The following COL7A1 variants were observed in gnomAD, a reference collection of about 807,000 sequenced individuals.
COL7A1 encodes the protein collagen alpha-1(VII) chain.
In COL7A1, 296 loss-of-function variants were observed where a neutral mutation model predicts 456.2. The observed-to-expected ratio is 0.65, with a 90% CI of 0.59 to 0.71. The LOEUF is 0.71. COL7A1 is among the 30% of genes least tolerant of loss of function. The pLI, the probability that COL7A1 is intolerant of heterozygous loss-of-function variation, is 0.00. For synonymous variants in COL7A1, 1,464 were observed against 1,525.9 expected (o/e 0.96, Z 0.95); for missense variants, 3,441 against 4,017.2 (o/e 0.86, Z 3.88).
rs755943792 is a variant in COL7A1 at position 48,592,051 on chromosome 3, C to T, written c.1241-37G>A. On this transcript the variant is annotated intron_variant, in intron 10 of 118. Coordinates refer to ENST00000681320, the MANE Select transcript of COL7A1 (RefSeq NM_000094.4). The surrounding 1 kb of genome is among the most constrained non-coding windows in gnomAD (Gnocchi z 7.6). ...ACATGGGATGTCAGTGGCCTCCGGG[C>T]CTTGCCCTGCCTGCCCGTCCCAGCC... 8 of 1,614,178 alleles carry T rather than the reference C, an allele frequency of 5.0e-6. No homozygotes were observed. In the Admixed American group the frequency reaches 6.7e-5, roughly 13 times the overall value.
chr3:48,568,231 C>A lies in COL7A1; in HGVS notation c.7795-61G>T. 6.4e-7 allele frequency: 1 copy of A among 1,574,562 alleles called. No individual in the cohort carries two copies. Among genetic ancestry groups the A allele is most frequent in the Non-Finnish European group, 8.7e-7 (1 of 1,151,696 alleles). The stretch of plus-strand genomic sequence containing the variant: ...GTCAGTGAGGGACCAAAGAGAATCG[C>A]CCTGGATAGTGGGTAGGGAACACCA... On this transcript the variant is annotated intron_variant, in intron 105 of 118. Transcript: ENST00000681320. The surrounding 1 kb of genome is among the most constrained non-coding windows in gnomAD (Gnocchi z 5.2).
chr3:48,593,099 C>T lies in COL7A1; in HGVS notation c.682+3G>A. Reference sequence around the variant, plus strand: ...AGGGTACACCGTGTGGGCAGGAACTCACGAGGTCGGGTCACAGGCACGCCA... The same window carrying T: ...AGGGTACACCGTGTGGGCAGGAACTTACGAGGTCGGGTCACAGGCACGCCA... On this transcript the variant is annotated splice_donor_region_variant and intron_variant, in intron 6 of 118. Transcript: ENST00000681320. This position sits in a 1 kb window ranked among gnomAD's most constrained non-coding sequence, Gnocchi z 4.4. 1 of 1,614,092 alleles carries T rather than the reference C, an allele frequency of 6.2e-7. No homozygotes were observed. The highest frequency in any genetic ancestry group is 8.5e-7 in the Non-Finnish European group (1 of 1,180,020).
Position 48,581,398 on chromosome 3 carries a change from G to A in COL7A1, c.4818+50C>T. Reference sequence around the variant, plus strand: ...ACGCTCGAAGCAAGCAGTTCTCAAGGGGAGGGGACCCCAGAAGCCTTGAGG... The same window carrying A: ...ACGCTCGAAGCAAGCAGTTCTCAAGAGGAGGGGACCCCAGAAGCCTTGAGG... On this transcript the variant is annotated intron_variant, in intron 51 of 118. Coordinates refer to ENST00000681320, the MANE Select transcript of COL7A1 (RefSeq NM_000094.4). This position sits in a 1 kb window ranked among gnomAD's most constrained non-coding sequence, Gnocchi z 5.8. The A allele has an allele frequency of 1.2e-6, 2 of 1,613,866 alleles. No individual in the cohort carries two copies. Among genetic ancestry groups the A allele is most frequent in the East Asian group, 2.2e-5 (1 of 44,866 alleles).
In COL7A1 at chr3:48,586,627, G is replaced by A. The variant is rs1361115401; in HGVS notation, c.3339C>T (p.Asp1113=). Residue 1113 remains aspartate (D), a synonymous_variant, in exon 26 of 119, where the codon GAC becomes GAT. Transcript: ENST00000681320. The surrounding 1 kb of genome is among the most constrained non-coding windows in gnomAD (Gnocchi z 5.1). ...SPLFPLNGSH[D]LGIILQRIRD... ...GGATCCTTTGCAAGATAATGCCAAGGTCATGGGAGCCATTCAGTGGGAACA... is the reference window on the plus strand; with the variant it reads ...GGATCCTTTGCAAGATAATGCCAAGATCATGGGAGCCATTCAGTGGGAACA... 6.2e-7 allele frequency: 1 copy of A among 1,613,668 alleles called. No homozygotes were observed.
Position 48,581,231 on chromosome 3 carries a change from C to T in COL7A1, c.4899+29G>A, listed in dbSNP as rs1283909291. On this transcript the variant is annotated intron_variant, in intron 52 of 118. Transcript: ENST00000681320. The surrounding 1 kb of genome is among the most constrained non-coding windows in gnomAD (Gnocchi z 5.8). ...GGCAACAGCCCTACTCCCTTACCCG[C>T]CATGACTCCCCCGACTCCAGCCTCT... 6.2e-7 allele frequency: 1 copy of T among 1,612,610 alleles called. No homozygotes were observed. Among genetic ancestry groups the T allele is most frequent in the South Asian group, 1.1e-5 (1 of 90,964 alleles).
At position 48,585,592 on chromosome 3, in the gene COL7A1, C is replaced by T; in HGVS notation, c.3859G>A (p.Gly1287Arg). Residue 1287 changes from glycine to arginine, a missense_variant, in exon 32 of 119, where the codon GGG becomes AGG. Gly to Arg is a moderately radical substitution (Grantham distance 125, BLOSUM62 -2). Transcript: ENST00000681320. This position sits in a 1 kb window ranked among gnomAD's most constrained non-coding sequence, Gnocchi z 4.5. ...TTGGCAGTGGCACTTCCAGGGGGCC[C>T]CTGGGGGCCGGGAGCACCGGTCCTG... ...PGRTGAPGPQ[G>R]PPGSATAKGE... The T allele has an allele frequency of 1.2e-6, 2 of 1,613,964 alleles. No homozygotes were observed. Among genetic ancestry groups the T allele is most frequent in the South Asian group, 2.2e-5 (2 of 91,082 alleles).
Position 48,566,692 on chromosome 3 carries a change from C to T in COL7A1, c.8272G>A (p.Val2758Ile). 2 of 1,613,856 alleles carry T rather than the reference C, an allele frequency of 1.2e-6. No homozygotes were observed. The highest frequency in any genetic ancestry group is 1.7e-6 in the Non-Finnish European group (2 of 1,179,932). The part of the protein sequence containing the change: ...PGERVVGAPG[V>I]PGAPGERGEQ... ...CCTCTCTCGCCAGGAGCTCCAGGGACCCCAGGAGCCCCCACCACTCTCTCT... is the reference window on the plus strand; with the variant it reads ...CCTCTCTCGCCAGGAGCTCCAGGGATCCCAGGAGCCCCCACCACTCTCTCT... The change falls in exon 112 of 119, where the codon GTC (valine) becomes ATC (isoleucine). Residue 2758 changes from valine (V) to isoleucine (I), a missense_variant. Coordinates refer to ENST00000681320, the MANE Select transcript of COL7A1 (RefSeq NM_000094.4). The surrounding 1 kb of genome is among the most constrained non-coding windows in gnomAD (Gnocchi z 5.9).
rs766240055 is a variant in COL7A1, at chr3:48,579,257, C to G, written c.5328G>C (p.Gly1776=). ...AGEKGDRGPP[G]LDGRSGLDGK... The stretch of plus-strand genomic sequence containing the variant: ...CATCCAGTCCGCTCCGGCCATCCAG[C>G]CCAGGGGGACCCCGGTCACCCTGTG... Residue 1776 remains glycine (G), a synonymous_variant, in exon 62 of 119, where the codon GGG becomes GGC. Transcript: ENST00000681320. The surrounding 1 kb of genome is among the most constrained non-coding windows in gnomAD (Gnocchi z 4.4). 6.2e-7 allele frequency: 1 copy of G among 1,613,834 alleles called. No homozygotes were observed. The highest frequency in any genetic ancestry group is 1.3e-5 in the African/African-American group (1 of 74,926).
rs147919436 is a variant in COL7A1, at chr3:48,579,242, G to T, written c.5343C>A (p.Ser1781Arg). 3.1e-6 allele frequency: 5 copies of T among 1,613,724 alleles called. No individual in the cohort carries two copies. The highest frequency in any genetic ancestry group is 1.3e-5 in the African/African-American group (1 of 74,902). Residue 1781 changes from serine to arginine, a missense_variant, in exon 62 of 119, where the codon AGC becomes AGA. Ser to Arg is a moderately radical substitution (Grantham distance 110). Coordinates refer to ENST00000681320, the MANE Select transcript of COL7A1 (RefSeq NM_000094.4). This position sits in a 1 kb window ranked among gnomAD's most constrained non-coding sequence, Gnocchi z 4.4. ...DRGPPGLDGR[S>R]GLDGKPGAAG... ...CGGCTCCTGGTTTCCCATCCAGTCC[G>T]CTCCGGCCATCCAGCCCAGGGGGAC... is the stretch of plus-strand genomic sequence containing the variant.
rs974397458 is a variant in COL7A1, at chr3:48,588,583, C to G, written c.2587+59G>C. On this transcript the variant is annotated intron_variant, in intron 20 of 118. Transcript: ENST00000681320. This position sits in a 1 kb window ranked among gnomAD's most constrained non-coding sequence, Gnocchi z 4.6. Reference sequence around the variant, plus strand: ...CTTTCTCCAATCCAGAGCACAAGCCCGGATCCCCAAACCATCCACACCACC... The same window carrying G: ...CTTTCTCCAATCCAGAGCACAAGCCGGGATCCCCAAACCATCCACACCACC... 96 of 1,612,860 alleles carry G rather than the reference C, an allele frequency of 6.0e-5. No individual in the cohort carries two copies. Among genetic ancestry groups the G allele is most frequent in the Non-Finnish European group, 7.5e-5 (89 of 1,179,660 alleles).
chr3:48,587,066 G>C lies in COL7A1; in HGVS notation c.3182C>G (p.Ala1061Gly). The C allele has an allele frequency of 1.9e-6, 3 of 1,610,786 alleles. No individual in the cohort carries two copies. The highest frequency in any genetic ancestry group is 2.5e-6 in the Non-Finnish European group (3 of 1,178,522). ...CGCACGGTGAGCATTGTCTTGAGTG[G>C]CATGTGGTAGGAACACCACATCCGC... ...GLADVVFLPH[A>G]TQDNAHRAEA... Residue 1061 changes from alanine to glycine, a missense_variant, in exon 25 of 119, where the codon GCC becomes GGC. Coordinates refer to ENST00000681320, the MANE Select transcript of COL7A1 (RefSeq NM_000094.4). The surrounding 1 kb of genome is among the most constrained non-coding windows in gnomAD (Gnocchi z 6.1).
chr3:48,594,310 TG>T lies in COL7A1; in HGVS notation c.266+57del. 1 of 1,586,112 alleles carries T rather than the reference TG, an allele frequency of 6.3e-7. No homozygotes were observed. On this transcript the variant is annotated intron_variant, in intron 3 of 118. Coordinates refer to ENST00000681320, the MANE Select transcript of COL7A1 (RefSeq NM_000094.4). This position sits in a 1 kb window ranked among gnomAD's most constrained non-coding sequence, Gnocchi z 5.5. ...GGGTTTCCAGGGTCTCCTCCCTCTC[TG>T]GGGAAGGAGTCTTGGTGGGGATCTC...
In COL7A1 at chr3:48,583,768, T is replaced by C. The variant is rs369070144; in HGVS notation, c.4291A>G (p.Ser1431Gly). Reference protein sequence around the residue: ...GEPGLPGLPGSPGPQGPVGPP... With the variant: ...GEPGLPGLPGGPGPQGPVGPP... Reference sequence around the variant, plus strand: ...CCAACGGGGCCTTGGGGTCCAGGGCTTCCGGGAAGACCCTAGGAAGAAGTG... The same window carrying C: ...CCAACGGGGCCTTGGGGTCCAGGGCCTCCGGGAAGACCCTAGGAAGAAGTG... The change falls in exon 40 of 119, where the codon AGC becomes GGC. Residue 1431 changes from serine (S) to glycine (G), a missense_variant. Coordinates refer to ENST00000681320, the MANE Select transcript of COL7A1 (RefSeq NM_000094.4). This position sits in a 1 kb window ranked among gnomAD's most constrained non-coding sequence, Gnocchi z 5.1. 3.7e-6 allele frequency: 6 copies of C among 1,613,850 alleles called. No individual in the cohort carries two copies. The East Asian group carries it at 6.7e-5, about 18-fold the overall frequency.
rs374780340 is a variant in COL7A1 at position 48,592,434 on chromosome 3, T to C, written c.1010A>G (p.Asn337Ser). ...ALEGPELTIQ[N>S]TTAHSLLVAW... ...CACCAGGAGGCTGTGGGCTGTGGTA[T>C]TCTGGATGGTCAGTTCCGGCCCTTC... is the stretch of plus-strand genomic sequence containing the variant. The change falls in exon 9 of 119, where the codon AAT becomes AGT. Residue 337 changes from asparagine to serine, a missense_variant. This residue lies in a region of COL7A1 where 913 missense variants were observed against 1,088.2 expected (regional missense o/e 0.84). Transcript: ENST00000681320. The surrounding 1 kb of genome is among the most constrained non-coding windows in gnomAD (Gnocchi z 7.6). 1 of 1,613,752 alleles carries C rather than the reference T, an allele frequency of 6.2e-7. No individual in the cohort carries two copies. The highest frequency in any genetic ancestry group is 1.3e-5 in the African/African-American group (1 of 75,044).
At position 48,587,230 on chromosome 3, in the gene COL7A1, A is replaced by T; in HGVS notation, c.3099T>A (p.Asp1033Glu). Residue 1033 changes from aspartate to glutamate, a missense_variant, in exon 24 of 119, where the codon GAT becomes GAA. Physicochemically the swap from Asp to Glu is conservative, Grantham distance 45 (BLOSUM62 2). Transcript: ENST00000681320. This position sits in a 1 kb window ranked among gnomAD's most constrained non-coding sequence, Gnocchi z 6.1. ...SYIFSLTPVL[D>E]GVRGPEASVT... is the part of the protein sequence containing the mutation. ...CAGATGCCTCAGGACCCCGCACACC[A>T]TCCAGGACAGGCGTCAGGGAGAAGA... 6.2e-7 allele frequency: 1 copy of T among 1,613,560 alleles called. No homozygotes were observed. The highest frequency in any genetic ancestry group is 8.5e-7 in the Non-Finnish European group (1 of 1,179,874).
chr3:48,571,512 G>A lies in COL7A1; in HGVS notation c.7069-234C>T. 1.4e-6 allele frequency: 1 copy of A among 710,704 alleles called. No homozygotes were observed. The highest frequency in any genetic ancestry group is 2.6e-6 in the Non-Finnish European group (1 of 382,806). The allele number at this position is 710,704 out of a possible 1,614,324, so 44.0% of individuals were successfully genotyped here. A position where few individuals can be genotyped will look rare whatever the true frequency, so the allele number is the denominator to read the frequency against. ...ATAGACAGGTGGGAGTTCAGGCATG[G>A]CACAGGCACAGGGAGCCCACACGCG... On this transcript the variant is annotated intron_variant, in intron 92 of 118. Transcript: ENST00000681320. This position sits in a 1 kb window ranked among gnomAD's most constrained non-coding sequence, Gnocchi z 4.6.
chr3:48,572,842 G>A lies in COL7A1; in HGVS notation c.6831+20C>T. On this transcript the variant is annotated intron_variant, in intron 87 of 118. Transcript: ENST00000681320. The surrounding 1 kb of genome is among the most constrained non-coding windows in gnomAD (Gnocchi z 4.6). ...ACAGCTGGGCACCACACCCTAGCGA[G>A]CTGCCCCCAGAACACATACTGGCAC... 1.9e-6 allele frequency: 3 copies of A among 1,613,908 alleles called. No homozygotes were observed. The highest frequency in any genetic ancestry group is 2.5e-6 in the Non-Finnish European group (3 of 1,179,904).
In COL7A1 at chr3:48,583,771, C is replaced by T. The variant is rs778127992; in HGVS notation, c.4288G>A (p.Gly1430Arg). 5.9e-5 allele frequency: 95 copies of T among 1,613,820 alleles called. No homozygotes were observed. The highest frequency in any genetic ancestry group is 3.3e-4 in the Middle Eastern group (2 of 6,062). Residue 1430 changes from glycine to arginine, a missense_variant, in exon 40 of 119, where the codon GGA becomes AGA. By Grantham distance (125) the Gly-to-Arg change is moderately radical. Around this residue, in one of 3 missense-constraint regions of COL7A1, gnomAD observed 2,084 missense variants for 2,501.3 expected, o/e 0.83. Transcript: ENST00000681320. This position sits in a 1 kb window ranked among gnomAD's most constrained non-coding sequence, Gnocchi z 5.1. ...ACGGGGCCTTGGGGTCCAGGGCTTCCGGGAAGACCCTAGGAAGAAGTGAGT... is the reference window on the plus strand; with the variant it reads ...ACGGGGCCTTGGGGTCCAGGGCTTCTGGGAAGACCCTAGGAAGAAGTGAGT... ...PGEPGLPGLPGSPGPQGPVGP... is the reference protein window; with the variant it reads ...PGEPGLPGLPRSPGPQGPVGP...
rs2044784970 is a variant in COL7A1, at chr3:48,581,885, C to T, written c.4668+26G>A. ...ACCTAGACCTCAACCCTGTAGAAAC[C>T]TCCCCTTGCCCCATACCAGGCTTAC... is the stretch of plus-strand genomic sequence containing the variant. On this transcript the variant is annotated intron_variant, in intron 48 of 118. Coordinates refer to ENST00000681320, the MANE Select transcript of COL7A1 (RefSeq NM_000094.4). The surrounding 1 kb of genome is among the most constrained non-coding windows in gnomAD (Gnocchi z 5.8). 2 of 1,613,990 alleles carry T rather than the reference C, an allele frequency of 1.2e-6. No homozygotes were observed. The highest frequency in any genetic ancestry group is 1.7e-6 in the Non-Finnish European group (2 of 1,180,026).
Sources: allele counts gnomAD v4.1 joint callset, GRCh38; gene constraint gnomAD v4.1.1; regional missense constraint gnomAD v4.1.1; non-coding constraint Gnocchi (gnomAD v3.1); transcripts MANE v1.5; gene names NCBI Gene and HGNC (gene_info 2026-07-23, HGNC 2026-07-21).